Variants in DIAPH3 observed in about 807,000 individuals in gnomAD.
DIAPH3 encodes diaphanous related formin 3.
A neutral mutation model predicts 144.3 loss-of-function variants in DIAPH3; 117 were observed. The ratio of observed to expected loss-of-function variants is 0.81; its 90% CI spans 0.70 to 0.95. The LOEUF is 0.95. DIAPH3 is among the 40% of genes least tolerant of loss of function. DIAPH3 has a pLI of 0.00. For synonymous variants in DIAPH3, 519 were observed against 488.9 expected, an observed-to-expected ratio of 1.06 and a Z score of -0.81; for missense variants, 1,421 against 1,412.7, an observed-to-expected ratio of 1.01 and a Z score of -0.09.
At chr13:59,948,561 C>T (rs776446798) in intron 17 of DIAPH3, among the ~76,000 whole-genome samples, 1 of 152,176 alleles carries the variant, frequency 6.6e-6, no homozygotes, top group Non-Finnish European at 1.5e-5. Flanking sequence ...AAGTGATCTT[C>T]CTGCCTTGGC....
Position 60,045,340 on chromosome 13 carries a change from CA to C in DIAPH3, c.496-2521del, listed in dbSNP as rs975888039. ...GGGCAACAAGATTGAAACTCCGTCT[CA>C]AAAAAAAAATAAAAATAAAAATAAA... is the stretch of plus-strand genomic sequence containing the variant. On this transcript the variant is annotated intron_variant, in intron 4 of 27. Transcript: ENST00000400324. Among the ~76,000 whole-genome samples, 241 of 144,214 alleles carry C rather than the reference CA, an allele frequency of 1.7e-3. 2 individuals carry two copies. Among genetic ancestry groups the C allele is most frequent in the African/African-American group, 5.8e-3 (229 of 39,166 alleles). The allele number at this position is 144,214 out of a possible 152,430, so 94.6% of individuals were successfully genotyped here.
chr13:59,833,164 C>T lies in DIAPH3; in HGVS notation c.2970G>A (p.Lys990=), dbSNP rs774297605. The change falls in exon 24 of 28, where the codon AAG becomes AAA. Residue 990 remains lysine, a synonymous_variant. Transcript: ENST00000400324. The stretch of plus-strand genomic sequence containing the variant: ...TAAGAAAGTCTTCCACAGACACCTT[C>T]TTCACATCAATGGCATAGTATCCTA... ...SIIGYYAIDV[K]KVSVEDFLTD... 3 of 1,610,962 alleles carry T rather than the reference C, an allele frequency of 1.9e-6. No homozygotes were observed. The South Asian group carries it at 3.3e-5, about 18-fold the overall frequency.
intron 21 of DIAPH3, among the ~76,000 whole-genome samples, chr13:59,875,992 T>A (rs1330625919): frequency 6.6e-6 from 1 of 152,146 alleles, no homozygotes; most frequent in Non-Finnish European, 1.5e-5. Flanking sequence ...TAATATGAAT[T>A]TTCATGAATT....
chr13:59,946,401 C>A (rs1285275510), intron 17 of DIAPH3, among the ~76,000 whole-genome samples: 2 of 152,088 alleles, frequency 1.3e-5, no homozygotes, highest in Non-Finnish European at 2.9e-5. Flanking sequence ...GAGAAAAAAA[C>A]CTCCCGAACA....
intron 14 of DIAPH3, among the ~76,000 whole-genome samples, chr13:59,976,084 T>G (rs1444344101): frequency 1.3e-5 from 2 of 151,928 alleles, no homozygotes; most frequent in Non-Finnish European, 2.9e-5. Flanking sequence ...ATCCCTCATT[T>G]TACTCCTTAT....
rs576350101 is a variant in DIAPH3 at position 59,908,270 on chromosome 13, T to C, written c.2367+3465A>G. Among the ~76,000 whole-genome samples, 5 of 146,526 alleles carry C rather than the reference T, an allele frequency of 3.4e-5. No individual in the cohort carries two copies. In the South Asian group the frequency reaches 8.6e-4, roughly 25 times the overall value. ...CAAGCTGTAGTTCCAGCTACTAAGG[T>C]AGCTGAGGCAGGGGAATCGCTTGAA... On this transcript the variant is annotated intron_variant, in intron 20 of 27. Coordinates refer to ENST00000400324, the MANE Select transcript of DIAPH3 (RefSeq NM_001042517.2).
chr13:59,806,882 G>A (rs2040225679), intron 25 of DIAPH3, among the ~76,000 whole-genome samples: 3 of 151,646 alleles, frequency 2.0e-5, no homozygotes, highest in African/African-American at 7.3e-5. Flanking sequence ...AAAATTCAAT[G>A]TATCAATTTA....
intron 25 of DIAPH3, among the ~76,000 whole-genome samples, chr13:59,778,620 C>T (rs567306626): frequency 1.3e-5 from 2 of 152,350 alleles, no homozygotes; most frequent in South Asian, 4.1e-4. Flanking sequence ...CTTCCTTTTC[C>T]CTTGTCTCAT....
chr13:59,861,107 GGCCAAAAAGT>G, intron 22 of DIAPH3: 1 of 792,918 alleles, frequency 1.3e-6, no homozygotes, highest in Non-Finnish European at 1.9e-6. Flanking sequence ...GCATCACCCT[GGCCAAAAAGT>G]GCAGGAGATT....
Position 60,008,564 on chromosome 13 carries a change from G to T in DIAPH3, c.994C>A (p.His332Asn), listed in dbSNP as rs377656179. ...RFFCIVEGLR[H>N]NSVQLQVACM... The stretch of plus-strand genomic sequence containing the variant: ...CTTACTTGCAGTTGAACTGAATTGT[G>T]CCGGAGGCCTTCCACAATACAAAAA... The change falls in exon 9 of 28, where the codon CAC (histidine) becomes AAC (asparagine). Residue 332 changes from histidine to asparagine, a missense_variant. His to Asn is a moderately conservative substitution (Grantham distance 68, BLOSUM62 1). Transcript: ENST00000400324. The T allele has an allele frequency of 8.7e-6, 14 of 1,613,042 alleles. No homozygotes were observed. The highest frequency in any genetic ancestry group is 6.7e-5 in the African/African-American group (5 of 74,856).
At chr13:59,861,074 A>T (rs1436387379) in intron 22 of DIAPH3, among the ~76,000 whole-genome samples, 1 of 152,200 alleles carries the variant, frequency 6.6e-6, no homozygotes, top group African/African-American at 2.4e-5. Flanking sequence ...ATCAGTGCCT[A>T]TGAATGACAT....
intron 7 of DIAPH3, chr13:60,012,686 G>C (rs988822492): frequency 6.6e-6 from 1 of 152,582 alleles, no homozygotes; most frequent in African/African-American, 2.4e-5. Context: ...TCAGAATCCT[G>C]TGACTCCTCC....
chr13:60,056,271 AAG>A (rs1044439055), intron 4 of DIAPH3, among the ~76,000 whole-genome samples: 20 of 150,970 alleles, frequency 1.3e-4, no homozygotes, highest in Admixed American at 1.1e-3. Flanking sequence ...ATATATAGAA[AAG>A]AGAGAGAGGA....
chr13:59,808,167 C>T (rs1488646805), intron 25 of DIAPH3, among the ~76,000 whole-genome samples: 1 of 150,844 alleles, frequency 6.6e-6, no homozygotes, highest in Non-Finnish European at 1.5e-5. Context: ...ATTAAAACAT[C>T]ATAGAATGAA....
At chr13:59,988,813 T>C (rs1239834483) in intron 12 of DIAPH3, among the ~76,000 whole-genome samples, 2 of 151,842 alleles carry the variant, frequency 1.3e-5, no homozygotes, top group African/African-American at 4.8e-5. Context: ...ATTTTACACA[T>C]GGTAAGCCTT....
At chr13:60,065,253 T>TAAAAAAAAAAA (rs11344639) in intron 4 of DIAPH3, among the ~76,000 whole-genome samples, 1 of 88,312 alleles carries the variant, frequency 1.1e-5, no homozygotes, top group Non-Finnish European at 2.3e-5. Context: ...TTTAATTTAT[T>TAAAAAAAAAAA]AAAAAAAAAA....
At chr13:60,033,693 C>T (rs2054978599) in intron 5 of DIAPH3, among the ~76,000 whole-genome samples, 1 of 152,210 alleles carries the variant, frequency 6.6e-6, no homozygotes, top group Non-Finnish European at 1.5e-5. Context: ...GCCCCACCTT[C>T]AGCACTGGGG....
chr13:59,768,531 G>A (rs2037965608), intron 27 of DIAPH3, among the ~76,000 whole-genome samples: 3 of 152,082 alleles, frequency 2.0e-5, no homozygotes, highest in Non-Finnish European at 2.9e-5. Context: ...CTTGCTGTTT[G>A]AGAAAAGGCA....
intron 27 of DIAPH3, among the ~76,000 whole-genome samples, chr13:59,737,775 A>AT (rs1233369731): frequency 6.6e-6 from 1 of 152,184 alleles, no homozygotes; most frequent in Non-Finnish European, 1.5e-5. Context: ...ACTGGCCATT[A>AT]TAGTAGTTGC....
Sources: gnomAD v4.1 joint callset for allele counts (sites outside exome capture counted in the v4.1 genomes callset) on GRCh38, gnomAD v4.1.1 for gene constraint, MANE v1.5 for transcripts, NCBI Gene and HGNC (gene_info 2026-07-23, HGNC 2026-07-21) for gene names.